Variants in DIS3L2 observed in about 807,000 individuals in gnomAD.
The protein encoded by DIS3L2 is DIS3 like 3'-5' exoribonuclease 2, also known as DIS3-like exonuclease 2.
In DIS3L2, 34 loss-of-function variants were observed where a neutral mutation model predicts 97.5. That is an observed-to-expected ratio of 0.35 (90% CI 0.27 to 0.46). DIS3L2 has a LOEUF of 0.46. Among genes scored for constraint, DIS3L2 ranks in the 20% least tolerant of loss-of-function variants. The pLI, the probability that DIS3L2 is intolerant of heterozygous loss-of-function variation, is 1.00. For synonymous variants in DIS3L2, 435 were observed against 445.2 expected (o/e 0.98, Z 0.29); for missense variants, 1,038 against 1,146.0 (o/e 0.91, Z 1.36).
chr2:232,086,634 T>TATACATGTGTATATATATATATATACAC (rs1696642192), intron 5 of DIS3L2, among the ~76,000 whole-genome samples: 1 of 63,792 alleles, frequency 1.6e-5, no homozygotes, highest in Admixed American at 1.6e-4. Flanking sequence ...TATATACACA[T>TATACATGTGTATATATATATATATACAC]ATATATATAT....
intron 8 of DIS3L2, among the ~76,000 whole-genome samples, chr2:232,140,424 T>C (rs528304952): frequency 6.6e-6 from 1 of 152,244 alleles, no homozygotes; most frequent in Admixed American, 6.5e-5. Flanking sequence ...CCCCAATGTC[T>C]TGAGCCAGGT....
intron 3 of DIS3L2, 95 bp downstream of exon 3, chr2:232,015,766 G>A (rs1694338217): frequency 2.1e-6 from 3 of 1,437,062 alleles, no homozygotes; most frequent in Admixed American, 2.0e-5. Context: ...TGCTTTCAGA[G>A]AGACGATGAT....
chr2:232,294,730 T>C (rs16828758), intron 13 of DIS3L2, among the ~76,000 whole-genome samples: 17,783 of 152,190 alleles, frequency 0.12, 1,841 homozygotes, highest in East Asian at 0.46. Context: ...ACATGGACCA[T>C]ACTTCAGCTG....
At position 232,333,965 on chromosome 2, in the gene DIS3L2, C is replaced by G. The variant is rs566391334; in HGVS notation, c.2136C>G (p.His712Gln). Residue 712 changes from histidine (H) to glutamine (Q), a missense_variant, in exon 17 of 21, where the codon CAC (histidine) becomes CAG (glutamine). This residue lies in a region of DIS3L2 where 221 missense variants were observed against 246.9 expected (regional missense o/e 0.90). Coordinates refer to ENST00000325385, the MANE Select transcript of DIS3L2 (RefSeq NM_152383.5). ...PIRRFADVLV[H>Q]RLLAAALGYR... ...GCCGCTTTGCCGACGTCCTGGTGCACCGCCTCCTGGCTGCCGCGTTAGGTG... is the reference window on the plus strand; with the variant it reads ...GCCGCTTTGCCGACGTCCTGGTGCAGCGCCTCCTGGCTGCCGCGTTAGGTG... 1.2e-6 allele frequency: 2 copies of G among 1,612,292 alleles called. No individual in the cohort carries two copies. The highest frequency in any genetic ancestry group is 2.7e-5 in the African/African-American group (2 of 75,058).
At chr2:232,223,593 C>T (rs1315737093) in intron 10 of DIS3L2, among the ~76,000 whole-genome samples, 5 of 152,080 alleles carry the variant, frequency 3.3e-5, no homozygotes, top group Admixed American at 6.5e-5. Context: ...TGTATAACAA[C>T]AAAATGAGAA....
chr2:232,329,775 A>AC, intron 14 of DIS3L2, 38 bp from the exon 15 acceptor site: 3 of 1,402,128 alleles, frequency 2.1e-6, no homozygotes, highest in Non-Finnish European at 2.9e-6. Flanking sequence ...CTGTCCCCAA[A>AC]CCCCAGCGGT....
intron 8 of DIS3L2, among the ~76,000 whole-genome samples, chr2:232,140,790 G>A (rs1311668680): frequency 6.6e-6 from 1 of 152,170 alleles, no homozygotes; most frequent in Non-Finnish European, 1.5e-5. Flanking sequence ...TACAACATTG[G>A]AGACTTCCAG....
intron 1 of DIS3L2, among the ~76,000 whole-genome samples, chr2:231,984,828 C>G (rs2106183376): frequency 6.6e-6 from 1 of 152,204 alleles, no homozygotes; most frequent in South Asian, 2.1e-4. Flanking sequence ...ACCATGTTGG[C>G]CAGACTGGTC....
intron 10 of DIS3L2, among the ~76,000 whole-genome samples, chr2:232,214,765 G>A (rs1332319685): frequency 3.3e-5 from 5 of 152,172 alleles, no homozygotes; most frequent in Non-Finnish European, 5.9e-5. Flanking sequence ...TTGTGGCTTT[G>A]CCTTAGTCTC....
Position 232,336,347 on chromosome 2 carries a change from C to G in DIS3L2, c.2497-122C>G. On this transcript the variant is annotated intron_variant, in intron 20 of 20. Transcript: ENST00000325385. ...GGAGGGGGCCCCCATTACAGACAGG[C>G]GAGCAGAGGCTTCCAGAGGCCGAAG... is the stretch of plus-strand genomic sequence containing the variant. 1.9e-6 allele frequency: 3 copies of G among 1,547,798 alleles called. No individual in the cohort carries two copies. In the South Asian group the frequency reaches 3.6e-5, roughly 19 times the overall value.
At chr2:231,995,621 C>A (rs1340476603) in intron 1 of DIS3L2, among the ~76,000 whole-genome samples, 1 of 152,192 alleles carries the variant, frequency 6.6e-6, no homozygotes, top group Non-Finnish European at 1.5e-5. Context: ...ATACTAACAC[C>A]AGAAAGTGCT....
At chr2:232,302,686 G>A (rs1403783256) in intron 14 of DIS3L2, among the ~76,000 whole-genome samples, 3 of 151,482 alleles carry the variant, frequency 2.0e-5, no homozygotes, top group East Asian at 2.0e-4. Flanking sequence ...TCAGCCTCCC[G>A]AATAGCTGGG....
At chr2:232,049,822 T>C (rs11690511) in intron 5 of DIS3L2, among the ~76,000 whole-genome samples, 2,139 of 152,352 alleles carry the variant, frequency 0.014, 23 homozygotes, top group Non-Finnish European at 0.021. Flanking sequence ...TTTGACACTT[T>C]GCGTTGGGCA....
At chr2:232,329,785 T>TCCCGGGGGGGGGCCCCCCCC in intron 14 of DIS3L2, 28 bp from the exon 15 acceptor site, 6 of 967,142 alleles carry the variant, frequency 6.2e-6, no homozygotes, top group East Asian at 3.1e-5. Context: ...ACCCCAGCGG[T>TCCCGGGGGGGGGCCCCCCCC]CCCTCCCATC....
rs1693930691 is a variant in DIS3L2, at chr2:232,269,558, A to C, written c.1659+6118A>C. Among the ~76,000 whole-genome samples the C allele has an allele frequency of 6.6e-6, 1 of 152,220 alleles. No homozygotes were observed. The highest frequency in any genetic ancestry group is 1.5e-5 in the Non-Finnish European group (1 of 68,028). The stretch of plus-strand genomic sequence containing the variant: ...AGTGATGTGACAGAACTCTGCCCAT[A>C]GTGCAGTGAGCTGTCTTGGAGAGGA... On this transcript the variant is annotated intron_variant, in intron 13 of 20. Coordinates refer to ENST00000325385, the MANE Select transcript of DIS3L2 (RefSeq NM_152383.5). The surrounding 1 kb of genome is among the most constrained non-coding windows in gnomAD (Gnocchi z 4.5).
intron 19 of DIS3L2, chr2:232,335,315 G>A (rs187619740): frequency 2.5e-5 from 5 of 198,178 alleles, no homozygotes; most frequent in South Asian, 1.9e-4. Flanking sequence ...TGCAGTAAAC[G>A]TGGTGTTCAT....
chr2:231,991,421 G>T (rs952856645), intron 1 of DIS3L2, among the ~76,000 whole-genome samples: 2 of 151,696 alleles, frequency 1.3e-5, no homozygotes, highest in African/African-American at 4.8e-5. Flanking sequence ...TACAGCATGT[G>T]CCACCATCTG....
intron 13 of DIS3L2, among the ~76,000 whole-genome samples, chr2:232,291,381 C>G (rs981200513): frequency 3.9e-5 from 6 of 152,370 alleles, no homozygotes; most frequent in African/African-American, 1.4e-4. Flanking sequence ...CTTTTCTGAT[C>G]TTTTAAATTC....
chr2:232,114,662 G>A (rs914653095), intron 6 of DIS3L2, among the ~76,000 whole-genome samples: 2 of 152,250 alleles, frequency 1.3e-5, no homozygotes, highest in East Asian at 1.9e-4. Context: ...TGAATTACCC[G>A]AAGTAATCAT....
Sources: allele counts gnomAD v4.1 joint callset (sites outside exome capture counted in the v4.1 genomes callset), GRCh38; gene constraint gnomAD v4.1.1; regional missense constraint gnomAD v4.1.1; non-coding constraint Gnocchi (gnomAD v3.1); transcripts MANE v1.5; gene names NCBI Gene and HGNC (gene_info 2026-07-23, HGNC 2026-07-21).